TFPT: variants seen among roughly 807,000 people sequenced by gnomAD.
TFPT encodes TCF3 fusion partner.
Under a neutral mutation model 28.8 loss-of-function variants are expected in TFPT, and 27 were observed. The ratio of observed to expected loss-of-function variants is 0.94; its 90% CI spans 0.69 to 1.29. The LOEUF (loss-of-function observed/expected upper bound fraction) is 1.29. Among genes scored for constraint, TFPT ranks in the 50% most tolerant of loss-of-function variants. The pLI is 0.00. For missense variants in TFPT, 330 were observed against 338.0 expected (o/e 0.98, Z 0.19); for synonymous variants, 152 against 142.8 (o/e 1.06, Z -0.46).
chr19:54,107,969 G>A, intron 5 of TFPT, 57 bp downstream of exon 5: 1 of 1,488,406 alleles, frequency 6.7e-7, no homozygotes, highest in Non-Finnish European at 9.0e-7. Flanking sequence ...CTCCTTACCT[G>A]CACTGGCGCC....
chr19:54,108,361 C>A lies in TFPT; in HGVS notation c.388G>T (p.Asp130Tyr). Residue 130 changes from aspartate (D) to tyrosine (Y), a missense_variant, in exon 4 of 6, where the codon GAC becomes TAC. By Grantham distance (160) the Asp-to-Tyr change is radical (BLOSUM62 -3). Transcript: ENST00000391759. The stretch of plus-strand genomic sequence containing the variant: ...ATGGTGAACTGGCTGGCCCGGTAGT[C>A]ATCCCCGTAGGAGTCCAGCACTCTC... ...LMRVLDSYGD[D>Y]YRASQFTIVL... 1 of 1,611,676 alleles carries A rather than the reference C, an allele frequency of 6.2e-7. No homozygotes were observed.
chr19:54,113,200 T>TC (rs1348785039), intron 2 of TFPT, among the ~76,000 whole-genome samples: 1 of 151,486 alleles, frequency 6.6e-6, no homozygotes, highest in African/African-American at 2.4e-5. Context: ...GGAGACAGTG[T>TC]CGTTACAAAA....
chr19:54,107,065 G>A lies in TFPT; in HGVS notation c.747C>T (p.Ser249=). 6.2e-7 allele frequency: 1 copy of A among 1,613,838 alleles called. No individual in the cohort carries two copies. The highest frequency in any genetic ancestry group is 8.5e-7 in the Non-Finnish European group (1 of 1,179,958). ...TGGGCATGCGTCAGTCAGAGGCTGG[G>A]CTGGCCAGGGTCGGGTAGGGCAGCA... is the stretch of plus-strand genomic sequence containing the variant. ...DKLLPYPTLA[S]PASD Residue 249 remains serine, a synonymous_variant, in exon 6 of 6, where the codon AGC becomes AGT. Transcript: ENST00000391759.
chr19:54,107,021 G>C lies in TFPT; in HGVS notation c.*29C>G. 2 of 1,609,350 alleles carry C rather than the reference G, an allele frequency of 1.2e-6. No individual in the cohort carries two copies. Among genetic ancestry groups the C allele is most frequent in the South Asian group, 2.2e-5 (2 of 90,920 alleles). Reference sequence around the variant, plus strand: ...GGAACAAGTAGACGGTGGCCGGGGTGAGTGTGGGGTCAGTTTATTGGGCAT... The same window carrying C: ...GGAACAAGTAGACGGTGGCCGGGGTCAGTGTGGGGTCAGTTTATTGGGCAT... On this transcript the variant is annotated 3_prime_UTR_variant, in exon 6 of 6. Coordinates refer to ENST00000391759, the MANE Select transcript of TFPT (RefSeq NM_013342.4).
chr19:54,107,950 G>A, intron 5 of TFPT, 76 bp downstream of exon 5: 2 of 1,439,724 alleles, frequency 1.4e-6, no homozygotes, highest in Non-Finnish European at 1.9e-6. Flanking sequence ...CCCTCCCCTT[G>A]AGTCCCCCCT....
Position 54,109,618 on chromosome 19 carries a change from C to T in TFPT, c.353+433G>A, listed in dbSNP as rs115635018. Among the ~76,000 whole-genome samples the T allele has an allele frequency of 6.8e-3, 1,034 of 152,234 alleles. 16 individuals carry two copies. Among genetic ancestry groups the T allele is most frequent in the African/African-American group, 0.023 (963 of 41,542 alleles). On this transcript the variant is annotated intron_variant, in intron 3 of 5. Coordinates refer to ENST00000391759, the MANE Select transcript of TFPT (RefSeq NM_013342.4). ...AGCTCAGCTCACCACCTGCAAGCTC[C>T]GACAACCCTGCCGCAGCCTCATGAT...
chr19:54,113,093 CAAAAAAAAAAAAAA>C lies in TFPT; in HGVS notation c.282+1335_282+1348del, dbSNP rs139440012. ...GGGAGACAAGAGCGAGACTCCACCT[CAAAAAAAAAAAAAA>C]AAAAAAAAAAAAAAGTTGAATTATT... On this transcript the variant is annotated intron_variant, in intron 2 of 5. Coordinates refer to ENST00000391759, the MANE Select transcript of TFPT (RefSeq NM_013342.4). Among the ~76,000 whole-genome samples the C allele has an allele frequency of 8.9e-4, 52 of 58,580 alleles. 2 individuals are homozygous for C. The South Asian group carries it at 0.026, about 29-fold the overall frequency. 38.4% of individuals were successfully genotyped at this position (58,580 alleles called of 152,430 possible).
At chr19:54,113,022 G>A (rs1025610708) in intron 2 of TFPT, among the ~76,000 whole-genome samples, 3 of 149,426 alleles carry the variant, frequency 2.0e-5, no homozygotes, top group Non-Finnish European at 1.5e-5. Flanking sequence ...GAACCCAGGA[G>A]GTGGAGGTTA....
chr19:54,112,253 CAAAA>C (rs55825377), intron 2 of TFPT, among the ~76,000 whole-genome samples: 2 of 143,692 alleles, frequency 1.4e-5, no homozygotes, highest in Admixed American at 1.4e-4. Flanking sequence ...GACCCTGTCT[CAAAA>C]AAAAAAAAAA....
intron 3 of TFPT, chr19:54,108,923 C>G (rs1339525463): frequency 7.8e-6 from 2 of 255,166 alleles, no homozygotes; most frequent in Non-Finnish European, 1.5e-5. Flanking sequence ...GCGACGGAAT[C>G]TCACTCTGTC....
chr19:54,113,689 A>G (rs1475675574), intron 2 of TFPT, among the ~76,000 whole-genome samples: 2 of 151,938 alleles, frequency 1.3e-5, no homozygotes, highest in Non-Finnish European at 2.9e-5. Flanking sequence ...TTTAATCCTC[A>G]TTGATTGATT....
chr19:54,108,253 C>G lies in TFPT; in HGVS notation c.424-9G>C, dbSNP rs254263. 813,491 of 1,578,012 alleles carry G rather than the reference C, an allele frequency of 0.52. 211,891 individuals are homozygous for G. The highest frequency in any genetic ancestry group is 0.54 in the Non-Finnish European group (625,668 of 1,160,804). On this transcript the variant is annotated splice_polypyrimidine_tract_variant and intron_variant, in intron 4 of 5. Transcript: ENST00000391759. ...CCCTGGCTGCCCTCATCCTGGCAGGCAGGAGGGGGAGGTAGGTGATGGGTG... is the reference window on the plus strand; with the variant it reads ...CCCTGGCTGCCCTCATCCTGGCAGGGAGGAGGGGGAGGTAGGTGATGGGTG...
chr19:54,113,294 GAC>G (rs138803310), intron 2 of TFPT, among the ~76,000 whole-genome samples: 1 of 151,938 alleles, frequency 6.6e-6, no homozygotes, highest in South Asian at 2.1e-4. Context: ...TTGGGACACA[GAC>G]ACACACACAG....
Position 54,112,205 on chromosome 19 carries a change from A to G in TFPT, c.283-2084T>C, listed in dbSNP as rs587745714. ...GGATGTTGGGGCTGCAGTGAGCCACAGTCATGCCACTGCACTCCAGCCTGG... is the reference window on the plus strand; with the variant it reads ...GGATGTTGGGGCTGCAGTGAGCCACGGTCATGCCACTGCACTCCAGCCTGG... On this transcript the variant is annotated intron_variant, in intron 2 of 5. Coordinates refer to ENST00000391759, the MANE Select transcript of TFPT (RefSeq NM_013342.4). 8.8e-3 allele frequency among the ~76,000 whole-genome samples: 1,335 copies of G among 151,148 alleles called. 26 individuals carry two copies. Among genetic ancestry groups the G allele is most frequent in the African/African-American group, 0.031 (1,270 of 41,148 alleles).
intron 2 of TFPT, among the ~76,000 whole-genome samples, chr19:54,112,559 C>T (rs779407589): frequency 5.3e-5 from 8 of 151,216 alleles, no homozygotes; most frequent in African/African-American, 9.7e-5. Flanking sequence ...GAGGTCAAGG[C>T]GAGTGGATCA....
intron 2 of TFPT, among the ~76,000 whole-genome samples, chr19:54,111,142 C>T (rs1023185694): frequency 2.0e-5 from 3 of 152,130 alleles, no homozygotes; most frequent in Non-Finnish European, 4.4e-5. Context: ...CAGCCCTGCA[C>T]GCAGCTTCTG....
At chr19:54,115,032 C>T in intron 1 of TFPT, 1 of 750,870 alleles carries the variant, frequency 1.3e-6, no homozygotes. Context: ...AGAGTCCTGG[C>T]TTCCAACCTC....
intron 5 of TFPT, 154 bp from the exon 6 acceptor site, chr19:54,107,323 A>C: frequency 9.9e-7 from 1 of 1,005,818 alleles, no homozygotes; most frequent in Non-Finnish European, 1.4e-6. Flanking sequence ...ATCATAGTTC[A>C]CTGCAGCCTC....
intron 2 of TFPT, among the ~76,000 whole-genome samples, chr19:54,113,093 CAAAAAAAAAAA>C (rs139440012): frequency 0.01 from 595 of 58,620 alleles, 6 homozygotes; most frequent in African/African-American, 0.04. Flanking sequence ...GACTCCACCT[CAAAAAAAAAAA>C]AAAAAAAAAA....
Sources: gnomAD v4.1 joint callset for allele counts (sites outside exome capture counted in the v4.1 genomes callset) on GRCh38, gnomAD v4.1.1 for gene constraint, MANE v1.5 for transcripts, NCBI Gene and HGNC (gene_info 2026-07-23, HGNC 2026-07-21) for gene names.